DIPK1A: variants seen among roughly 807,000 people sequenced by gnomAD.
DIPK1A encodes the protein divergent protein kinase domain 1A.
A neutral mutation model predicts 40.8 loss-of-function variants in DIPK1A; 27 were observed. The observed-to-expected ratio is 0.66, with a 90% CI of 0.49 to 0.91. The LOEUF is 0.91. Ranked by LOEUF, DIPK1A falls within the 40% of genes least tolerant of loss-of-function variation. The probability of loss-of-function intolerance (pLI) is 0.00; values close to 1 mark genes in which losing one functional copy is unlikely to be tolerated. For missense variants in DIPK1A, 412 were observed against 505.7 expected (o/e 0.81, Z 1.78); for synonymous variants, 166 against 171.3 (o/e 0.97, Z 0.24).
chr1:92,922,804 C>G (rs1441419642), intron 1 of DIPK1A, among the ~76,000 whole-genome samples: 2 of 152,188 alleles, frequency 1.3e-5, no homozygotes, highest in African/African-American at 2.4e-5. Flanking sequence ...CAAAATGCAG[C>G]CAGTACAACA....
At chr1:92,935,872 C>T (rs1463731469) in intron 1 of DIPK1A, among the ~76,000 whole-genome samples, 1 of 151,902 alleles carries the variant, frequency 6.6e-6, no homozygotes, top group African/African-American at 2.4e-5. Flanking sequence ...CAGGAGTTCA[C>T]GACCAGCCTG....
chr1:92,874,190 A>G (rs1159256601), intron 2 of DIPK1A, among the ~76,000 whole-genome samples: 5 of 152,234 alleles, frequency 3.3e-5, no homozygotes, highest in Non-Finnish European at 7.3e-5. Context: ...TAAAGTGAAA[A>G]GTAATGAAGC....
chr1:92,846,666 T>C, intron 4 of DIPK1A: 2 of 384,320 alleles, frequency 5.2e-6, no homozygotes, highest in Non-Finnish European at 1.0e-5. Flanking sequence ...TCTCACTTTG[T>C]CGTCCAGGCT....
chr1:92,910,851 A>T (rs1016709282), intron 1 of DIPK1A, among the ~76,000 whole-genome samples: 1 of 152,030 alleles, frequency 6.6e-6, no homozygotes, highest in East Asian at 1.9e-4. Flanking sequence ...GGATGTATTT[A>T]TTTTTATACA....
downstream of DIPK1A, chr1:92,837,877 T>G (rs1200952687): frequency 9.6e-6 from 5 of 521,026 alleles, no homozygotes. Context: ...GTAATCATAG[T>G]TGTAATCTGC....
chr1:92,896,732 A>G (rs2100813507), intron 1 of DIPK1A, among the ~76,000 whole-genome samples: 1 of 152,304 alleles, frequency 6.6e-6, no homozygotes, highest in African/African-American at 2.4e-5. Context: ...ACAGAATGGG[A>G]GAAAATTTTT....
Position 92,843,987 on chromosome 1 carries a change from A to G in DIPK1A, c.683T>C (p.Met228Thr), listed in dbSNP as rs942240269. ...LMGFCGDLYV[M>T]ESVEYTSLYG... ...AAGAGAGGTATATTCAACACTTTCC[A>G]TCACATAGAGGTCACCACAGAATCC... The change falls in exon 5 of 5, where the codon ATG becomes ACG. Residue 228 changes from methionine (M) to threonine (T), a missense_variant. Transcript: ENST00000370310. The G allele has an allele frequency of 1.5e-5, 23 of 1,552,154 alleles. No individual in the cohort carries two copies. In the Admixed American group the frequency reaches 4.5e-4, roughly 30 times the overall value.
rs188938341 is a variant in DIPK1A at position 92,941,653 on chromosome 1, T to C, written c.54+19723A>G. On this transcript the variant is annotated intron_variant, in intron 1 of 4. Transcript: ENST00000370310. Reference sequence around the variant, plus strand: ...AAATGGATTAGCAGTGTGCCTTTCCTTTCTAAAAGTGAGAAAGGATAACGA... The same window carrying C: ...AAATGGATTAGCAGTGTGCCTTTCCCTTCTAAAAGTGAGAAAGGATAACGA... Among the ~76,000 whole-genome samples, 62 of 152,286 alleles carry C rather than the reference T, an allele frequency of 4.1e-4. No homozygotes were observed. The East Asian group carries it at 0.011, about 28-fold the overall frequency.
intron 2 of DIPK1A, among the ~76,000 whole-genome samples, chr1:92,855,389 C>A (rs547247813): frequency 1.2e-4 from 18 of 152,038 alleles, no homozygotes; most frequent in South Asian, 4.2e-4. Context: ...AACCAACCAA[C>A]CAAACAAACA....
chr1:92,885,338 A>G (rs1337318865), intron 1 of DIPK1A, among the ~76,000 whole-genome samples: 2 of 152,156 alleles, frequency 1.3e-5, no homozygotes, highest in Non-Finnish European at 2.9e-5. Flanking sequence ...TTTCTTTAAC[A>G]ACAACAACAA....
intron 1 of DIPK1A, among the ~76,000 whole-genome samples, chr1:92,904,496 A>G (rs1165593931): frequency 6.6e-6 from 1 of 152,142 alleles, no homozygotes; most frequent in Non-Finnish European, 1.5e-5. Flanking sequence ...TAAGCAAAAG[A>G]TGGCAATGGA....
rs146294966 is a variant in DIPK1A at position 92,900,957 on chromosome 1, G to A, written c.55-24527C>T. 2.1e-3 allele frequency among the ~76,000 whole-genome samples: 314 copies of A among 152,118 alleles called. 1 individual carries two copies. The highest frequency in any genetic ancestry group is 3.5e-3 in the Non-Finnish European group (237 of 67,990). On this transcript the variant is annotated intron_variant, in intron 1 of 4. Coordinates refer to ENST00000370310, the MANE Select transcript of DIPK1A (RefSeq NM_001006605.5). ...TGCCTCTTGAAAACTTTCTAAAGTG[G>A]TTTTCATAGAGAAAAACTTTCACCT...
Position 92,876,425 on chromosome 1 carries a change from G to T in DIPK1A, c.60C>A (p.Arg20=). 2 of 1,611,466 alleles carry T rather than the reference G, an allele frequency of 1.2e-6. No individual in the cohort carries two copies. The highest frequency in any genetic ancestry group is 1.7e-6 in the Non-Finnish European group (2 of 1,179,192). The part of the protein sequence containing the change: ...WLRKPYYLQA[R]FSYVRMKYLF... ...GATATTTCATCCGCACATATGAGAAGCGAGCCTGTGAGTAAAAAAGAACAT... is the reference window on the plus strand; with the variant it reads ...GATATTTCATCCGCACATATGAGAATCGAGCCTGTGAGTAAAAAAGAACAT... The change falls in exon 2 of 5, where the codon CGC becomes CGA. Residue 20 remains arginine, a synonymous_variant. Coordinates refer to ENST00000370310, the MANE Select transcript of DIPK1A (RefSeq NM_001006605.5).
intron 1 of DIPK1A, among the ~76,000 whole-genome samples, chr1:92,897,858 G>A (rs1649242550): frequency 6.6e-6 from 1 of 151,958 alleles, no homozygotes; most frequent in Admixed American, 6.6e-5. Context: ...TTACACTTTG[G>A]GATGCCAAAG....
At chr1:92,853,728 G>A (rs1687896078) in intron 2 of DIPK1A, among the ~76,000 whole-genome samples, 3 of 152,120 alleles carry the variant, frequency 2.0e-5, no homozygotes, top group African/African-American at 7.2e-5. Flanking sequence ...AACACATAAG[G>A]TTCAGAAAAT....
intron 2 of DIPK1A, 45 bp downstream of exon 2, chr1:92,876,251 G>T (rs1279150794): frequency 2.3e-6 from 3 of 1,286,926 alleles, no homozygotes; most frequent in Admixed American, 5.6e-5. Context: ...TAAATATAGT[G>T]TTATGAAGAG....
intron 2 of DIPK1A, among the ~76,000 whole-genome samples, chr1:92,855,757 A>T (rs1473351623): frequency 2.0e-5 from 3 of 151,992 alleles, no homozygotes; most frequent in African/African-American, 7.2e-5. Context: ...AAGTAGGAGA[A>T]AAGAAATAAT....
intron 1 of DIPK1A, among the ~76,000 whole-genome samples, chr1:92,955,553 C>T (rs11164848): frequency 0.45 from 68,269 of 151,420 alleles, 15,769 homozygotes; most frequent in East Asian, 0.71. Flanking sequence ...AAAAAATTAG[C>T]CAGGAGTGGT....
At chr1:92,934,781 A>G (rs1323253746) in intron 1 of DIPK1A, among the ~76,000 whole-genome samples, 1 of 152,190 alleles carries the variant, frequency 6.6e-6, no homozygotes, top group Non-Finnish European at 1.5e-5. Flanking sequence ...AATTAAACAG[A>G]CATCCCTAGG....
Sources: allele counts gnomAD v4.1 joint callset (sites outside exome capture counted in the v4.1 genomes callset), GRCh38; gene constraint gnomAD v4.1.1; transcripts MANE v1.5; gene names NCBI Gene and HGNC (gene_info 2026-07-23, HGNC 2026-07-21).